Variants in SLC38A9 observed in about 807,000 individuals in gnomAD.
SLC38A9 encodes solute carrier family 38 member 9.
A neutral mutation model predicts 62.3 loss-of-function variants in SLC38A9; 48 were observed. The observed-to-expected ratio is 0.77, with a 90% confidence interval of 0.61 to 0.98. The LOEUF (loss-of-function observed/expected upper bound fraction) is 0.98, where lower values mean the gene tolerates loss of function less well. SLC38A9 is among the 50% of genes least tolerant of loss of function. The probability of loss-of-function intolerance (pLI) is 0.00; values close to 1 mark genes in which losing one functional copy is unlikely to be tolerated. For synonymous variants in SLC38A9, 204 were observed against 227.7 expected, an observed-to-expected ratio of 0.90 and a Z score of 0.94; for missense variants, 541 against 679.8, an observed-to-expected ratio of 0.80 and a Z score of 2.27.
At chr5:55,672,356 C>T (rs1355520102) in intron 4 of SLC38A9, among the ~76,000 whole-genome samples, 1 of 152,112 alleles carries the variant, frequency 6.6e-6, no homozygotes, top group Non-Finnish European at 1.5e-5. Flanking sequence ...AGGTTGTTGT[C>T]AACATAGAAA....
chr5:55,691,309 A>T, intron 3 of SLC38A9: 1 of 1,498,256 alleles, frequency 6.7e-7, no homozygotes, highest in Non-Finnish European at 8.9e-7. Context: ...GGAATAGGAC[A>T]GATAAGTACT....
intron 7 of SLC38A9, among the ~76,000 whole-genome samples, chr5:55,667,772 C>G (rs1211367613): frequency 6.6e-6 from 1 of 151,996 alleles, no homozygotes; most frequent in Non-Finnish European, 1.5e-5. Flanking sequence ...CTCCATCACC[C>G]AGGCTGAAGT....
intron 2 of SLC38A9, among the ~76,000 whole-genome samples, chr5:55,702,315 G>A (rs1323782302): frequency 6.6e-6 from 1 of 151,122 alleles, no homozygotes; most frequent in Non-Finnish European, 1.5e-5. Context: ...CTGGAGTGGT[G>A]CAGTGGCATG....
At chr5:55,661,387 G>C (rs890595705) in intron 8 of SLC38A9, among the ~76,000 whole-genome samples, 11 of 141,998 alleles carry the variant, frequency 7.7e-5, no homozygotes, top group Non-Finnish European at 1.2e-4. Flanking sequence ...GGAGCTTGCA[G>C]TGAGCCGAGA....
chr5:55,694,644 G>A (rs1356805746), intron 3 of SLC38A9, among the ~76,000 whole-genome samples: 8 of 151,856 alleles, frequency 5.3e-5, no homozygotes, highest in Admixed American at 5.2e-4. Flanking sequence ...AAGAAATATA[G>A]GATAAAATAT....
Position 55,669,771 on chromosome 5 carries a change from T to C in SLC38A9, c.355A>G (p.Ser119Gly). 6.2e-7 allele frequency: 1 copy of C among 1,613,786 alleles called. No individual in the cohort carries two copies. ...SYTEGYGKNT[S>G]LVTIFMIWNT... ...AGTTTCACTCACATGGTTACTAAACTGGTGTTTTTACCGTATCCTTCAGTG... is the reference window on the plus strand; with the variant it reads ...AGTTTCACTCACATGGTTACTAAACCGGTGTTTTTACCGTATCCTTCAGTG... Residue 119 changes from serine to glycine, a missense_variant, in exon 5 of 16, where the codon AGT becomes GGT. By Grantham distance (56) the Ser-to-Gly change is moderately conservative. Coordinates refer to ENST00000396865, the MANE Select transcript of SLC38A9 (RefSeq NM_173514.4).
Position 55,669,992 on chromosome 5 carries a change from T to C in SLC38A9, c.247-113A>G, listed in dbSNP as rs907506643. ...ACCTTTTTTTTTCTTTTGAACGGAG[T>C]CTCGCCCTGTCGCCCAGGCTGGAGT... On this transcript the variant is annotated intron_variant, in intron 4 of 15. Coordinates refer to ENST00000396865, the MANE Select transcript of SLC38A9 (RefSeq NM_173514.4). 2.4e-5 allele frequency: 23 copies of C among 975,554 alleles called. No individual in the cohort carries two copies. The African/African-American group carries it at 3.5e-4, about 15-fold the overall frequency. 60.4% of individuals were successfully genotyped at this position (975,554 alleles called of 1,614,324 possible).
At chr5:55,694,602 CTT>C (rs1162464931) in intron 3 of SLC38A9, among the ~76,000 whole-genome samples, 4 of 152,178 alleles carry the variant, frequency 2.6e-5, no homozygotes, top group Middle Eastern at 3.4e-3. Flanking sequence ...AATCAATATA[CTT>C]TGTTTCTATT....
chr5:55,674,894 CA>C (rs1423730738), intron 3 of SLC38A9, among the ~76,000 whole-genome samples: 1 of 152,136 alleles, frequency 6.6e-6, no homozygotes, highest in Non-Finnish European at 1.5e-5. Flanking sequence ...TACTAAAAAG[CA>C]ACATAAAAAT....
chr5:55,661,714 A>C (rs1749611591), intron 8 of SLC38A9, among the ~76,000 whole-genome samples: 1 of 152,260 alleles, frequency 6.6e-6, no homozygotes, highest in Non-Finnish European at 1.5e-5. Context: ...AAAATAAAAA[A>C]CTTTTGAATA....
intron 3 of SLC38A9, among the ~76,000 whole-genome samples, chr5:55,690,351 G>A (rs1289831958): frequency 1.3e-5 from 2 of 152,082 alleles, no homozygotes; most frequent in Non-Finnish European, 2.9e-5. Context: ...CACTCTTCAA[G>A]TGTTTAGCAA....
At chr5:55,671,466 T>A (rs1212292235) in intron 4 of SLC38A9, among the ~76,000 whole-genome samples, 2 of 151,686 alleles carry the variant, frequency 1.3e-5, no homozygotes, top group Non-Finnish European at 2.9e-5. Flanking sequence ...AATAAGAAAC[T>A]ACTATATTTA....
intron 8 of SLC38A9, among the ~76,000 whole-genome samples, chr5:55,659,150 C>T (rs1004128238): frequency 1.3e-5 from 2 of 151,510 alleles, no homozygotes; most frequent in African/African-American, 4.9e-5. Context: ...AACTGATATC[C>T]CACAATAAAC....
chr5:55,661,571 A>G (rs187446734), intron 8 of SLC38A9, among the ~76,000 whole-genome samples: 169 of 152,200 alleles, frequency 1.1e-3, no homozygotes, highest in Non-Finnish European at 2.1e-3. Flanking sequence ...ATCAATTACT[A>G]TACGGTGTAC....
chr5:55,645,483 T>C (rs1746177592), intron 12 of SLC38A9, among the ~76,000 whole-genome samples: 1 of 152,230 alleles, frequency 6.6e-6, no homozygotes, highest in South Asian at 2.1e-4. Context: ...TCTGTTTTTG[T>C]AAACAGTTTC....
At chr5:55,668,390 T>C (rs1170308082) in intron 7 of SLC38A9, among the ~76,000 whole-genome samples, 1 of 152,180 alleles carries the variant, frequency 6.6e-6, no homozygotes, top group Non-Finnish European at 1.5e-5. Context: ...CAAGACTTTT[T>C]TATTTTTTAT....
At chr5:55,680,058 G>A (rs1048715396) in intron 3 of SLC38A9, among the ~76,000 whole-genome samples, 11 of 152,106 alleles carry the variant, frequency 7.2e-5, no homozygotes, top group African/African-American at 2.7e-4. Flanking sequence ...ACAATTTCTG[G>A]AAAATTAATA....
intron 7 of SLC38A9, among the ~76,000 whole-genome samples, chr5:55,666,771 T>C (rs570690437): frequency 6.6e-6 from 1 of 151,010 alleles, no homozygotes; most frequent in African/African-American, 2.4e-5. Context: ...CTCACGCCTG[T>C]AATCCCAGCA....
At chr5:55,698,045 ATCAC>A in intron 2 of SLC38A9, 53 bp from the exon 3 acceptor site, 1 of 666,372 alleles carries the variant, frequency 1.5e-6, no homozygotes, top group Non-Finnish European at 2.5e-6. Context: ...TTTATTATCC[ATCAC>A]TAATAAATAT....
Sources: gnomAD v4.1 joint callset for allele counts (sites outside exome capture counted in the v4.1 genomes callset) on GRCh38, gnomAD v4.1.1 for gene constraint, MANE v1.5 for transcripts, NCBI Gene and HGNC (gene_info 2026-07-23, HGNC 2026-07-21) for gene names.